The following ANKFN1 variants were observed in gnomAD, a reference collection of about 807,000 sequenced individuals.
ANKFN1 encodes ankyrin repeat and fibronectin type III domain containing 1.
In ANKFN1, 74 loss-of-function variants were observed where a neutral mutation model predicts 108.7. The ratio of observed to expected loss-of-function variants is 0.68; its 90% CI spans 0.56 to 0.83. ANKFN1 has a LOEUF of 0.83. Among genes scored for constraint, ANKFN1 ranks in the 40% least tolerant of loss-of-function variants. ANKFN1 has a pLI of 0.00. For missense variants in ANKFN1, 1,505 were observed against 1,382.3 expected (o/e 1.09, Z -1.41); for synonymous variants, 547 against 516.2 (o/e 1.06, Z -0.81).
intron 20 of ANKFN1, among the ~76,000 whole-genome samples, chr17:56,508,577 C>A (rs890906158): frequency 1.3e-5 from 2 of 152,206 alleles, no homozygotes; most frequent in Middle Eastern, 3.4e-3. Flanking sequence ...TTAAAAGCTA[C>A]CTCCAGTCAT....
At chr17:56,503,337 G>T (rs1746128176) in intron 20 of ANKFN1, among the ~76,000 whole-genome samples, 1 of 151,698 alleles carries the variant, frequency 6.6e-6, no homozygotes. Context: ...AGAATCTGGA[G>T]ATATTATTTC....
chr17:56,319,957 C>T (rs191360050), intron 3 of ANKFN1, among the ~76,000 whole-genome samples: 1 of 152,036 alleles, frequency 6.6e-6, no homozygotes, highest in East Asian at 1.9e-4. Context: ...TTTCTTATTT[C>T]TTGGCAAAGG....
chr17:56,330,399 A>T lies in ANKFN1; in HGVS notation c.188+4044A>T, dbSNP rs578233870. ...GGGAAACCGCCCCCACGATTCAATTATCTCCACCTTGCCCTGCCCTTGACA... is the reference window on the plus strand; with the variant it reads ...GGGAAACCGCCCCCACGATTCAATTTTCTCCACCTTGCCCTGCCCTTGACA... On this transcript the variant is annotated intron_variant, in intron 4 of 20. Transcript: ENST00000682825. Among the ~76,000 whole-genome samples the T allele has an allele frequency of 5.9e-5, 9 of 152,290 alleles. No homozygotes were observed. The East Asian group carries it at 1.5e-3, about 26-fold the overall frequency.
intron 8 of ANKFN1, among the ~76,000 whole-genome samples, chr17:56,387,888 G>C (rs1313217770): frequency 6.6e-6 from 1 of 152,022 alleles, no homozygotes; most frequent in Non-Finnish European, 1.5e-5. Context: ...AGGGTATATA[G>C]TTAACTTATA....
intron 3 of ANKFN1, among the ~76,000 whole-genome samples, chr17:56,321,889 C>G (rs180907195): frequency 2.4e-4 from 37 of 152,286 alleles, no homozygotes; most frequent in African/African-American, 7.9e-4. Flanking sequence ...TCCCGTTTCC[C>G]AGACCCAGGT....
At position 56,467,798 on chromosome 17, in the gene ANKFN1, G is replaced by GAGAA. The variant is rs2050158659; in HGVS notation, c.1773+1228_1773+1229insGAAA. ...AAGAAAGAAAGAAAGAAAGAAGAAAGAAAGAAAGAAAGAAAGAAAGAAAGA... is the reference window on the plus strand; with the variant it reads ...AAGAAAGAAAGAAAGAAAGAAGAAAGAGAAAAAGAAAGAAAGAAAGAAAGAAAGA... On this transcript the variant is annotated intron_variant, in intron 15 of 20. Transcript: ENST00000682825. Among the ~76,000 whole-genome samples the GAGAA allele has an allele frequency of 1.1e-3, 34 of 30,904 alleles. 1 individual carries two copies. The highest frequency in any genetic ancestry group is 2.4e-3 in the African/African-American group (32 of 13,150). The allele number at this position is 30,904 out of a possible 152,430, so 20.3% of individuals were successfully genotyped here. A position where few individuals can be genotyped will look rare whatever the true frequency, so the allele number is the denominator to read the frequency against.
intron 8 of ANKFN1, among the ~76,000 whole-genome samples, chr17:56,405,240 G>T (rs2144958342): frequency 1.3e-5 from 2 of 152,326 alleles, no homozygotes; most frequent in East Asian, 1.9e-4. Context: ...ATGAGGGAAA[G>T]ATTGTTCACA....
Position 56,354,006 on chromosome 17 carries a change from A to G in ANKFN1, c.561A>G (p.Ala187=), listed in dbSNP as rs779262559. The G allele has an allele frequency of 6.2e-7, 1 of 1,613,984 alleles. No homozygotes were observed. Among genetic ancestry groups the G allele is most frequent in the South Asian group, 1.1e-5 (1 of 91,082 alleles). Residue 187 remains alanine, a synonymous_variant, in exon 6 of 21, where the codon GCA becomes GCG. Transcript: ENST00000682825. ...TCATGACCAACAATGTGCCCATTGC[A>G]AGGATTCTTCTGAGGACAGGGGCCC... The part of the protein sequence containing the change: ...IAIMTNNVPI[A]RILLRTGARE...
intron 4 of ANKFN1, among the ~76,000 whole-genome samples, chr17:56,083,647 T>C (rs1905274354): frequency 6.6e-6 from 1 of 151,330 alleles, no homozygotes; most frequent in Non-Finnish European, 1.5e-5. Flanking sequence ...GATGCCCATG[T>C]TCTGACTTTA....
chr17:56,140,962 A>G (rs1371016500), intron 4 of ANKFN1, among the ~76,000 whole-genome samples: 1 of 152,180 alleles, frequency 6.6e-6, no homozygotes, highest in South Asian at 2.1e-4. Context: ...GTGTTTCTTT[A>G]TATCTCCACA....
upstream of ANKFN1, among the ~76,000 whole-genome samples, chr17:56,152,262 ATGTG>A (rs200366444): frequency 5.0e-4 from 39 of 77,826 alleles, no homozygotes; most frequent in South Asian, 0.011. Context: ...ATATATATAT[ATGTG>A]TGTGTGTGTG....
At chr17:56,417,443 T>C (rs1206740498) in intron 8 of ANKFN1, among the ~76,000 whole-genome samples, 2 of 152,320 alleles carry the variant, frequency 1.3e-5, no homozygotes, top group African/African-American at 4.8e-5. Flanking sequence ...GTCCCTGCTG[T>C]TTCTCAAGCA....
chr17:56,177,798 G>A (rs1018589269), intron 1 of ANKFN1, among the ~76,000 whole-genome samples: 1 of 136,416 alleles, frequency 7.3e-6, no homozygotes, highest in African/African-American at 2.5e-5. Context: ...ATAGGTTTTT[G>A]TTTTTGTTTT....
intron 15 of ANKFN1, chr17:56,472,022 A>G (rs781227449): frequency 3.3e-5 from 5 of 152,244 alleles, no homozygotes; most frequent in Non-Finnish European, 5.9e-5. Flanking sequence ...ATACTTGAAC[A>G]GGGTGAATTT....
intron 3 of ANKFN1, among the ~76,000 whole-genome samples, chr17:56,265,573 C>T (rs1225633370): frequency 6.6e-6 from 1 of 152,052 alleles, no homozygotes; most frequent in African/African-American, 2.4e-5. Flanking sequence ...ATTTCGGGAG[C>T]CTGAAAAGGA....
At chr17:56,331,538 C>A (rs1394882080) in intron 4 of ANKFN1, among the ~76,000 whole-genome samples, 2 of 152,158 alleles carry the variant, frequency 1.3e-5, no homozygotes, top group African/African-American at 4.8e-5. Context: ...GTCTTGACTT[C>A]AGAATCAAGA....
At chr17:56,330,102 A>G (rs2045619828) in intron 4 of ANKFN1, among the ~76,000 whole-genome samples, 1 of 152,218 alleles carries the variant, frequency 6.6e-6, no homozygotes, top group Non-Finnish European at 1.5e-5. Flanking sequence ...CACCTGGCTC[A>G]TAGAAAGTGT....
intron 3 of ANKFN1, among the ~76,000 whole-genome samples, chr17:56,275,830 T>C (rs762210977): frequency 7.2e-5 from 11 of 152,252 alleles, no homozygotes; most frequent in Middle Eastern, 6.8e-3. Context: ...AGGCAAGAGA[T>C]GAATAGGGCC....
intron 1 of ANKFN1, among the ~76,000 whole-genome samples, chr17:56,173,593 G>C (rs959024871): frequency 1.3e-5 from 2 of 151,994 alleles, no homozygotes; most frequent in Non-Finnish European, 2.9e-5. Flanking sequence ...AAGTAGCTGA[G>C]ACTAAAAATG....
Sources: gnomAD v4.1 joint callset for allele counts (sites outside exome capture counted in the v4.1 genomes callset) on GRCh38, gnomAD v4.1.1 for gene constraint, MANE v1.5 for transcripts, NCBI Gene and HGNC (gene_info 2026-07-23, HGNC 2026-07-21) for gene names.